Variants in RIC8B observed in about 807,000 individuals in gnomAD.
RIC8B encodes the protein RIC8 guanine nucleotide exchange factor B.
In RIC8B, 16 loss-of-function variants were observed where a neutral mutation model predicts 57.5. The observed-to-expected ratio is 0.28, with a 90% confidence interval of 0.19 to 0.42. RIC8B has a LOEUF of 0.42. Ranked by LOEUF, RIC8B falls within the 10% of genes least tolerant of loss-of-function variation. The pLI is 1.00. For synonymous variants in RIC8B, 216 were observed against 250.8 expected (o/e 0.86, Z 1.31); for missense variants, 481 against 677.0 (o/e 0.71, Z 3.21).
At chr12:106,850,731 T>C (rs1344275293) in intron 6 of RIC8B, among the ~76,000 whole-genome samples, 1 of 152,190 alleles carries the variant, frequency 6.6e-6, no homozygotes, top group Non-Finnish European at 1.5e-5. Context: ...AAAAAATTAA[T>C]AGCCATTTTT....
intron 8 of RIC8B, among the ~76,000 whole-genome samples, chr12:106,866,934 G>T (rs1429713518): frequency 5.3e-5 from 8 of 152,156 alleles, no homozygotes; most frequent in Non-Finnish European, 1.2e-4. Context: ...CGAGGTATAA[G>T]CTCCTTTGGT....
intron 1 of RIC8B, among the ~76,000 whole-genome samples, chr12:106,779,404 G>A (rs2043644814): frequency 6.6e-6 from 1 of 151,672 alleles, no homozygotes; most frequent in African/African-American, 2.4e-5. Flanking sequence ...GCTAATTTTT[G>A]TATTTTTAGT....
chr12:106,842,495 T>C, intron 4 of RIC8B, 94 bp from the exon 5 acceptor site: 2 of 969,416 alleles, frequency 2.1e-6, no homozygotes, highest in East Asian at 5.0e-5. Flanking sequence ...TTTAATTGAC[T>C]CTTAAAAGTC....
At chr12:106,878,832 C>CT (rs896350128) in intron 9 of RIC8B, among the ~76,000 whole-genome samples, 2 of 152,026 alleles carry the variant, frequency 1.3e-5, no homozygotes, top group South Asian at 2.1e-4. Flanking sequence ...GTTCCCCCCC[C>CT]CTTTTCTTCT....
At chr12:106,817,315 G>C (rs898213864) in intron 3 of RIC8B, among the ~76,000 whole-genome samples, 1 of 152,156 alleles carries the variant, frequency 6.6e-6, no homozygotes, top group Non-Finnish European at 1.5e-5. Context: ...TTAAGTGCTA[G>C]GAGAGAAAGA....
chr12:106,856,108 ATC>A (rs1949706886), intron 7 of RIC8B, among the ~76,000 whole-genome samples: 1 of 152,168 alleles, frequency 6.6e-6, no homozygotes, highest in Non-Finnish European at 1.5e-5. Context: ...CCTGTTAAAT[ATC>A]TTTTATTTAT....
chr12:106,838,124 G>A lies in RIC8B; in HGVS notation c.837-4465G>A, dbSNP rs147365235. On this transcript the variant is annotated intron_variant, in intron 4 of 9. Coordinates refer to ENST00000392837, the MANE Select transcript of RIC8B (RefSeq NM_001330145.2). Reference sequence around the variant, plus strand: ...TGTCATCAAAACAGTTTTTGTATTGGCATAAAACAGACATATTGACCAAAA... The same window carrying A: ...TGTCATCAAAACAGTTTTTGTATTGACATAAAACAGACATATTGACCAAAA... 8.9e-4 allele frequency among the ~76,000 whole-genome samples: 136 copies of A among 152,164 alleles called. 1 individual carries two copies. The highest frequency in any genetic ancestry group is 3.1e-3 in the African/African-American group (127 of 41,484).
At chr12:106,775,815 C>T (rs1286776733) in intron 1 of RIC8B, among the ~76,000 whole-genome samples, 1 of 152,214 alleles carries the variant, frequency 6.6e-6, no homozygotes, top group Non-Finnish European at 1.5e-5. Flanking sequence ...CGACTCCCTT[C>T]TGTGAAAACA....
intron 1 of RIC8B, among the ~76,000 whole-genome samples, chr12:106,776,967 C>G (rs1165304924): frequency 1.3e-5 from 2 of 152,156 alleles, no homozygotes; most frequent in Non-Finnish European, 2.9e-5. Flanking sequence ...ATCTCCTCCC[C>G]CCCACCGACC....
intron 2 of RIC8B, among the ~76,000 whole-genome samples, chr12:106,809,556 G>C (rs961286837): frequency 5.4e-5 from 8 of 149,062 alleles, no homozygotes; most frequent in Non-Finnish European, 1.5e-5. Flanking sequence ...GAATTGTGCA[G>C]TAAGTGTTCA....
Position 106,814,685 on chromosome 12 carries a change from T to G in RIC8B, c.133-11T>G, listed in dbSNP as rs758906861. On this transcript the variant is annotated splice_polypyrimidine_tract_variant and intron_variant, in intron 2 of 9. Transcript: ENST00000392837. ...AATAATGATTTTTGCATACTCGTTC[T>G]TGTTTTTCAGAAACTCTGTGAAGGC... The G allele has an allele frequency of 1.4e-5, 22 of 1,569,966 alleles. No individual in the cohort carries two copies. The South Asian group carries it at 2.7e-4, about 19-fold the overall frequency.
chr12:106,841,349 A>G (rs1398834461), intron 4 of RIC8B, among the ~76,000 whole-genome samples: 2 of 152,180 alleles, frequency 1.3e-5, no homozygotes, highest in Non-Finnish European at 2.9e-5. Flanking sequence ...CTGACTTGTT[A>G]CTGGTTTTTA....
chr12:106,775,217 CT>C (rs2043405691), intron 1 of RIC8B: 1 of 427,300 alleles, frequency 2.3e-6, no homozygotes, highest in Admixed American at 2.7e-5. Context: ...AAACACGGCC[CT>C]TGACATGCAT....
intron 6 of RIC8B, among the ~76,000 whole-genome samples, chr12:106,849,151 A>G (rs1949344694): frequency 6.6e-6 from 1 of 152,116 alleles, no homozygotes. Flanking sequence ...CAGAAAGCAT[A>G]AATGGTGGAT....
At chr12:106,800,871 A>G (rs150870849) in intron 2 of RIC8B, among the ~76,000 whole-genome samples, 2 of 152,266 alleles carry the variant, frequency 1.3e-5, no homozygotes, top group East Asian at 3.9e-4. Flanking sequence ...TAGGACCAGG[A>G]TTTATATCAG....
At position 106,865,113 on chromosome 12, in the gene RIC8B, G is replaced by C. The variant is rs187400614; in HGVS notation, c.1451+4701G>C. ...TCAAGTCCCTGCTTTCTGCTCTCTT[G>C]CGTATATACCCAGAAGTGTTGTATC... On this transcript the variant is annotated intron_variant, in intron 8 of 9. Transcript: ENST00000392837. Among the ~76,000 whole-genome samples, 31 of 152,208 alleles carry C rather than the reference G, an allele frequency of 2.0e-4. No individual in the cohort carries two copies. The East Asian group carries it at 4.8e-3, about 24-fold the overall frequency.
chr12:106,871,499 C>CA (rs1491246618), intron 9 of RIC8B: 1 of 103,390 alleles, frequency 9.7e-6, no homozygotes, highest in South Asian at 3.3e-4. Flanking sequence ...AAAAAAAAAA[C>CA]CAAAAAACTC....
chr12:106,874,674 T>A, intron 9 of RIC8B: 1 of 853,158 alleles, frequency 1.2e-6, no homozygotes, highest in Non-Finnish European at 1.8e-6. Context: ...CATTTCTATT[T>A]TGCCTCCATG....
chr12:106,847,027 C>G (rs545167063), intron 6 of RIC8B, among the ~76,000 whole-genome samples: 1 of 152,132 alleles, frequency 6.6e-6, no homozygotes, highest in South Asian at 2.1e-4. Context: ...TTATTATGCC[C>G]TGTAGTAAAT....
Sources: gnomAD v4.1 joint callset for allele counts (sites outside exome capture counted in the v4.1 genomes callset) on GRCh38, gnomAD v4.1.1 for gene constraint, MANE v1.5 for transcripts, NCBI Gene and HGNC (gene_info 2026-07-23, HGNC 2026-07-21) for gene names.